PRIM2: variants seen among roughly 807,000 people sequenced by gnomAD.
PRIM2 encodes the protein DNA primase subunit 2, also known as DNA primase large subunit.
A neutral mutation model predicts 67.3 loss-of-function variants in PRIM2; 39 were observed. The observed-to-expected ratio is 0.58, with a 90% CI of 0.45 to 0.76. PRIM2 has a LOEUF of 0.76. PRIM2 is among the 30% of genes least tolerant of loss of function. The pLI, the probability that PRIM2 is intolerant of heterozygous loss-of-function variation, is 0.00. For missense variants in PRIM2, 398 were observed against 598.7 expected (o/e 0.66, Z 3.50); for synonymous variants, 143 against 198.7 (o/e 0.72, Z 2.36).
At chr6:57,229,447 G>GGCTTTTTAA in the PRIM2 span, among the ~76,000 whole-genome samples, 1 of 151,428 alleles carries the variant, frequency 6.6e-6, no homozygotes, top group African/African-American at 2.4e-5. Context: ...GTATTCATTA[G>GGCTTTTTAA]GCTTTTTAAT....
chr6:57,324,285 G>A lies in PRIM2; in HGVS notation c.338+5G>A. The A allele has an allele frequency of 6.4e-7, 1 of 1,560,142 alleles. No individual in the cohort carries two copies. The highest frequency in any genetic ancestry group is 8.8e-7 in the Non-Finnish European group (1 of 1,138,512). ...GCGGCTTGCTTATTGCCAGTCGTAA[G>A]TATATGTTTATATTCTCACAGTCAA... On this transcript the variant is annotated splice_donor_5th_base_variant and intron_variant, in intron 4 of 13. Transcript: ENST00000615550.
chr6:57,431,236 A>G (rs1385713933), intron 7 of PRIM2, among the ~76,000 whole-genome samples: 31 of 151,472 alleles, frequency 2.0e-4, no homozygotes, highest in African/African-American at 7.0e-4. Context: ...GCACAATGGA[A>G]AGCACACTCA....
At chr6:57,453,471 G>T (rs1040244839) in intron 7 of PRIM2, among the ~76,000 whole-genome samples, 1 of 152,086 alleles carries the variant, frequency 6.6e-6, no homozygotes, top group Non-Finnish European at 1.5e-5. Context: ...TTGAGCAGCA[G>T]TTTGTAGTTC....
intron 12 of PRIM2, among the ~76,000 whole-genome samples, chr6:57,611,448 A>T (rs1202702598): frequency 1.3e-5 from 2 of 151,882 alleles, no homozygotes; most frequent in South Asian, 4.1e-4. Context: ...GACAGAATAG[A>T]GTTCAGAAAT....
intron 7 of PRIM2, among the ~76,000 whole-genome samples, chr6:57,503,170 A>G (rs1177667660): frequency 6.6e-6 from 1 of 152,162 alleles, no homozygotes; most frequent in African/African-American, 2.4e-5. Flanking sequence ...GAAAGTGATG[A>G]CAAGATGGAA....
chr6:57,578,347 C>A (rs1776000211), intron 10 of PRIM2, among the ~76,000 whole-genome samples: 1 of 152,056 alleles, frequency 6.6e-6, no homozygotes, highest in Admixed American at 6.6e-5. Context: ...TATCCTGTTT[C>A]CCCACTGATT....
the PRIM2 span, among the ~76,000 whole-genome samples, chr6:57,270,670 T>A: frequency 6.6e-6 from 1 of 152,154 alleles, no homozygotes. Context: ...CTATGTTGAA[T>A]AGGAGTGGTG....
rs1775027851 is a variant in PRIM2, at chr6:57,537,637, A to C, written c.1020+12A>C. ...TGGATCCAGACAAGGTAATTTTGAA[A>C]AAAAATATCAGAGTGGTACCTGATA... On this transcript the variant is annotated intron_variant, in intron 10 of 13. Transcript: ENST00000615550. 3.6e-5 allele frequency: 51 copies of C among 1,425,604 alleles called. No homozygotes were observed. The East Asian group carries it at 1.2e-3, about 34-fold the overall frequency. 88.3% of individuals were successfully genotyped at this position (1,425,604 alleles called of 1,614,324 possible).
intron 12 of PRIM2, among the ~76,000 whole-genome samples, chr6:57,608,412 A>T (rs1160763755): frequency 1.3e-5 from 2 of 152,182 alleles, no homozygotes; most frequent in African/African-American, 4.8e-5. Context: ...AAAATTAATG[A>T]AAGACAGTAA....
intron 9 of PRIM2, among the ~76,000 whole-genome samples, chr6:57,534,501 T>C (rs1344328648): frequency 2.0e-4 from 30 of 152,204 alleles, no homozygotes; most frequent in Non-Finnish European, 4.4e-5. Context: ...CCAGACACTA[T>C]CTTTTTAATT....
At chr6:57,265,693 T>A in the PRIM2 span, among the ~76,000 whole-genome samples, 1 of 152,226 alleles carries the variant, frequency 6.6e-6, no homozygotes, top group Admixed American at 6.5e-5. Flanking sequence ...TAAACAGAAT[T>A]TTTTTATAAA....
At chr6:57,363,255 A>G (rs576867588) in intron 5 of PRIM2, among the ~76,000 whole-genome samples, 2 of 152,302 alleles carry the variant, frequency 1.3e-5, no homozygotes, top group South Asian at 4.1e-4. Context: ...GAAATGGTCC[A>G]TCACCCTTGG....
At chr6:57,431,882 A>G (rs1333688091) in intron 7 of PRIM2, among the ~76,000 whole-genome samples, 2 of 152,094 alleles carry the variant, frequency 1.3e-5, no homozygotes, top group Non-Finnish European at 2.9e-5. Flanking sequence ...ATGTGTGTGT[A>G]TGTTTTATTT....
intron 10 of PRIM2, among the ~76,000 whole-genome samples, chr6:57,543,480 A>C (rs1775220737): frequency 6.6e-6 from 1 of 152,168 alleles, no homozygotes; most frequent in South Asian, 2.1e-4. Flanking sequence ...TTGTGTCCTC[A>C]TTGTGACTTA....
At chr6:57,626,608 G>A (rs1239379015) in intron 12 of PRIM2, among the ~76,000 whole-genome samples, 2 of 149,162 alleles carry the variant, frequency 1.3e-5, no homozygotes, top group East Asian at 3.9e-4. Flanking sequence ...TTTTTGTGAA[G>A]ATGAAAACTG....
the PRIM2 span, among the ~76,000 whole-genome samples, chr6:57,265,101 TTA>T: frequency 6.6e-6 from 1 of 152,202 alleles, no homozygotes; most frequent in Non-Finnish European, 1.5e-5. Flanking sequence ...TATAAAATGT[TTA>T]TATATGTTAT....
chr6:57,285,120 G>C, the PRIM2 span, among the ~76,000 whole-genome samples: 3 of 152,160 alleles, frequency 2.0e-5, no homozygotes, highest in Non-Finnish European at 2.9e-5. Context: ...CTGAAATTGA[G>C]GCAGCAACTA....
In PRIM2 at chr6:57,532,451, G is replaced by A. The variant is rs1774911701; in HGVS notation, c.802G>A (p.Val268Ile). The change falls in exon 9 of 14, where the codon GTT becomes ATT. Residue 268 changes from valine (V) to isoleucine (I), a missense_variant. Val to Ile is a conservative substitution (Grantham distance 29). Around this residue, in one of 4 missense-constraint regions of PRIM2, gnomAD observed 229 missense variants for 383.6 expected, o/e 0.60. Transcript: ENST00000615550. ...CCAAGATTACAGTACCCAGGGAAATGTTGGGAAGATTTCTTTAGATCAGAT... is the reference window on the plus strand; with the variant it reads ...CCAAGATTACAGTACCCAGGGAAATATTGGGAAGATTTCTTTAGATCAGAT... The part of the protein sequence containing the change: ...TGQDYSTQGN[V>I]GKISLDQIDL... 10 of 1,465,050 alleles carry A rather than the reference G, an allele frequency of 6.8e-6. No homozygotes were observed. Among genetic ancestry groups the A allele is most frequent in the Non-Finnish European group, 8.3e-6 (9 of 1,080,028 alleles). 90.8% of individuals were successfully genotyped at this position (1,465,050 alleles called of 1,614,324 possible). A position where few individuals can be genotyped will look rare whatever the true frequency, so the allele number is the denominator to read the frequency against.
intron 2 of PRIM2, 73 bp downstream of exon 2, chr6:57,318,672 T>C: frequency 1.7e-6 from 2 of 1,200,748 alleles, no homozygotes; most frequent in Admixed American, 2.2e-5. Flanking sequence ...TGAATGAAGG[T>C]AATTCATTTC....
Sources: gnomAD v4.1 joint callset for allele counts (sites outside exome capture counted in the v4.1 genomes callset) on GRCh38, gnomAD v4.1.1 for gene constraint, gnomAD v4.1.1 regional missense constraint, MANE v1.5 for transcripts, NCBI Gene and HGNC (gene_info 2026-07-23, HGNC 2026-07-21) for gene names.